The following GALNT13 variants were observed in gnomAD, a reference collection of about 807,000 sequenced individuals.
The protein encoded by GALNT13 is UDP-GalNAc:polypeptide N-acetylgalactosaminyltransferase 13.
In GALNT13, 28 loss-of-function variants were observed where a neutral mutation model predicts 64.2. The observed-to-expected ratio is 0.44, with a 90% CI of 0.32 to 0.60. GALNT13 has a LOEUF of 0.60. GALNT13 is among the 20% of genes least tolerant of loss of function. The probability of loss-of-function intolerance (pLI) is 0.05; values close to 1 mark genes in which losing one functional copy is unlikely to be tolerated. For synonymous variants in GALNT13, 214 were observed against 224.6 expected, an observed-to-expected ratio of 0.95 and a Z score of 0.42; for missense variants, 577 against 669.8, an observed-to-expected ratio of 0.86 and a Z score of 1.53.
At chr2:153,432,733 G>T in the GALNT13 span, among the ~76,000 whole-genome samples, 9 of 151,778 alleles carry the variant, frequency 5.9e-5, no homozygotes, top group Non-Finnish European at 8.8e-5. Flanking sequence ...GGAGGTGGTT[G>T]GGGGGCATTG....
At chr2:153,968,038 C>A (rs1693490866) in intron 3 of GALNT13, among the ~76,000 whole-genome samples, 1 of 152,038 alleles carries the variant, frequency 6.6e-6, no homozygotes, top group Non-Finnish European at 1.5e-5. Context: ...TGCTGCACAG[C>A]CTACTCTTAG....
chr2:154,333,094 C>T (rs1220242593), intron 9 of GALNT13, among the ~76,000 whole-genome samples: 6 of 151,964 alleles, frequency 3.9e-5, no homozygotes, highest in African/African-American at 1.4e-4. Flanking sequence ...CTACCTTCCC[C>T]CCAATTAAGG....
chr2:153,607,981 A>G, the GALNT13 span, among the ~76,000 whole-genome samples: 7 of 152,144 alleles, frequency 4.6e-5, no homozygotes, highest in Non-Finnish European at 8.8e-5. Context: ...CGCTTTAAAA[A>G]TGTTACCCTT....
chr2:154,394,620 C>A (rs1698971340), intron 9 of GALNT13, among the ~76,000 whole-genome samples: 1 of 152,130 alleles, frequency 6.6e-6, no homozygotes, highest in Non-Finnish European at 1.5e-5. Flanking sequence ...TGTAATAATA[C>A]TTAACATAAT....
At chr2:153,624,779 G>A in the GALNT13 span, among the ~76,000 whole-genome samples, 1 of 149,290 alleles carries the variant, frequency 6.7e-6, no homozygotes, top group African/African-American at 2.5e-5. Context: ...CTGGGCATCA[G>A]GAGGAAGAGA....
chr2:154,070,501 A>G (rs1248479740), intron 3 of GALNT13, among the ~76,000 whole-genome samples: 2 of 152,184 alleles, frequency 1.3e-5, no homozygotes, highest in Non-Finnish European at 2.9e-5. Flanking sequence ...AGTGAAGAAC[A>G]GAAGAGATCA....
the GALNT13 span, among the ~76,000 whole-genome samples, chr2:153,520,178 A>G: frequency 6.6e-6 from 1 of 152,358 alleles, no homozygotes; most frequent in East Asian, 1.9e-4. Flanking sequence ...ATTTATTTTA[A>G]TGATCTTTGC....
rs143556542 is a variant in GALNT13 at position 154,404,050 on chromosome 2, G to T, written c.1297-4934G>T. ...TAGTGGTTGTCTCTCTTTTCTCCCT[G>T]TGGCAGGTTTCCTAAACCATTGACT... is the stretch of plus-strand genomic sequence containing the variant. On this transcript the variant is annotated intron_variant, in intron 10 of 12. Coordinates refer to ENST00000392825, the MANE Select transcript of GALNT13 (RefSeq NM_052917.4). 7.5e-3 allele frequency among the ~76,000 whole-genome samples: 1,144 copies of T among 152,176 alleles called. 18 individuals are homozygous for T. Among genetic ancestry groups the T allele is most frequent in the African/African-American group, 0.026 (1,064 of 41,502 alleles).
chr2:154,286,805 G>T, intron 8 of GALNT13: 1 of 336,570 alleles, frequency 3.0e-6, no homozygotes. Context: ...TGATGTTCTT[G>T]ACCATGTAAT....
chr2:154,212,279 C>T (rs1376483563), intron 4 of GALNT13, among the ~76,000 whole-genome samples: 1 of 151,800 alleles, frequency 6.6e-6, no homozygotes, highest in East Asian at 1.9e-4. Flanking sequence ...GAGTCTTGCT[C>T]TATCGCCCAG....
chr2:153,107,703 T>C, the GALNT13 span, among the ~76,000 whole-genome samples: 1 of 152,290 alleles, frequency 6.6e-6, no homozygotes, highest in East Asian at 1.9e-4. Context: ...TTTACTGTCA[T>C]AACTTAGTTT....
intron 4 of GALNT13, among the ~76,000 whole-genome samples, chr2:154,176,294 G>T (rs914852157): frequency 5.0e-5 from 6 of 119,870 alleles, no homozygotes; most frequent in Admixed American, 1.6e-4. Flanking sequence ...TTTATTTATG[G>T]GATGGAGTCT....
chr2:154,206,247 C>T (rs1196408214), intron 4 of GALNT13, among the ~76,000 whole-genome samples: 4 of 151,678 alleles, frequency 2.6e-5, no homozygotes, highest in Admixed American at 1.3e-4. Flanking sequence ...GTGATCCGCC[C>T]GCCTCGGCCT....
chr2:153,722,299 T>C, the GALNT13 span, among the ~76,000 whole-genome samples: 1 of 142,202 alleles, frequency 7.0e-6, no homozygotes, highest in African/African-American at 2.8e-5. Context: ...CTGGGACGCA[T>C]TCAAAGCAGT....
chr2:153,811,758 A>G, the GALNT13 span, among the ~76,000 whole-genome samples: 1 of 152,184 alleles, frequency 6.6e-6, no homozygotes, highest in Admixed American at 6.5e-5. Flanking sequence ...TAATATATGC[A>G]GAATGATTCT....
intron 3 of GALNT13, among the ~76,000 whole-genome samples, chr2:154,022,821 T>C (rs1179006794): frequency 7.0e-6 from 1 of 143,104 alleles, no homozygotes; most frequent in Admixed American, 6.9e-5. Flanking sequence ...CTGCTTTCTC[T>C]TGTGGGCATT....
chr2:153,537,806 T>C, the GALNT13 span, among the ~76,000 whole-genome samples: 2 of 152,232 alleles, frequency 1.3e-5, no homozygotes, highest in Non-Finnish European at 2.9e-5. Flanking sequence ...ACATGTTTGC[T>C]TACCCTTCTG....
the GALNT13 span, among the ~76,000 whole-genome samples, chr2:153,765,051 C>T: frequency 9.3e-4 from 142 of 152,314 alleles, no homozygotes; most frequent in Middle Eastern, 3.4e-3. Context: ...AGATGTGCTG[C>T]GGGGACGTAG....
At chr2:153,678,052 T>C in the GALNT13 span, among the ~76,000 whole-genome samples, 1 of 126,994 alleles carries the variant, frequency 7.9e-6, no homozygotes, top group Non-Finnish European at 1.7e-5. Context: ...GCTAAAGATA[T>C]TCTGCTAAGT....
Sources: gnomAD v4.1 joint callset for allele counts (sites outside exome capture counted in the v4.1 genomes callset) on GRCh38, gnomAD v4.1.1 for gene constraint, MANE v1.5 for transcripts, NCBI Gene and HGNC (gene_info 2026-07-23, HGNC 2026-07-21) for gene names.